Variants in IQCH observed in about 807,000 individuals in gnomAD.
IQCH encodes the protein IQ motif containing H.
In IQCH, 98 loss-of-function variants were observed where a neutral mutation model predicts 117.0. The ratio of observed to expected loss-of-function variants is 0.84; its 90% CI spans 0.71 to 0.99. The LOEUF is 0.99. Ranked by LOEUF, IQCH falls within the 50% of genes least tolerant of loss-of-function variation. IQCH has a pLI of 0.00. For synonymous variants in IQCH, 412 were observed against 448.2 expected (o/e 0.92, Z 1.02); for missense variants, 1,102 against 1,243.8 (o/e 0.89, Z 1.72).
At position 67,263,129 on chromosome 15, in the gene IQCH, T is replaced by C. The variant is rs757112731; in HGVS notation, c.182T>C (p.Ile61Thr). 2 of 1,486,370 alleles carry C rather than the reference T, an allele frequency of 1.3e-6. No homozygotes were observed. Among genetic ancestry groups the C allele is most frequent in the Non-Finnish European group, 1.9e-6 (2 of 1,064,904 alleles). The allele number at this position is 1,486,370 out of a possible 1,614,324, so 92.1% of individuals were successfully genotyped here. Residue 61 changes from isoleucine (I) to threonine (T), a missense_variant, in exon 3 of 21, where the codon ATT becomes ACT. By Grantham distance (89) the Ile-to-Thr change is moderately conservative (BLOSUM62 -1). Around this residue, in one of 2 missense-constraint regions of IQCH, gnomAD observed 452 missense variants for 449.6 expected, o/e 1.01. Coordinates refer to ENST00000335894, the MANE Select transcript of IQCH (RefSeq NM_001031715.3). ...KRTEVGLRIHIEKYLNVVNQN... is the reference protein window; with the variant it reads ...KRTEVGLRIHTEKYLNVVNQN... ...TTGACATTTCTGTAACAGATTCACATTGAGAAGTATTTAAATGTTGTAAAC... is the reference window on the plus strand; with the variant it reads ...TTGACATTTCTGTAACAGATTCACACTGAGAAGTATTTAAATGTTGTAAAC...
In IQCH at chr15:67,277,696, G is replaced by A. The variant is rs146753916; in HGVS notation, c.270-1699G>A. Among the ~76,000 whole-genome samples, 1,323 of 152,110 alleles carry A rather than the reference G, an allele frequency of 8.7e-3. 17 individuals carry two copies. The highest frequency in any genetic ancestry group is 0.029 in the African/African-American group (1,197 of 41,482). On this transcript the variant is annotated intron_variant, in intron 3 of 20. Coordinates refer to ENST00000335894, the MANE Select transcript of IQCH (RefSeq NM_001031715.3). ...CAACAGGCACATGCCACCACGCCTG[G>A]CTAATTTTTTGTATTTTTAGTACAG... is the stretch of plus-strand genomic sequence containing the variant.
intron 16 of IQCH, among the ~76,000 whole-genome samples, chr15:67,460,162 C>T (rs2082755797): frequency 6.6e-6 from 1 of 152,108 alleles, no homozygotes; most frequent in Admixed American, 6.5e-5. Flanking sequence ...TTTTTACATC[C>T]TCAGTCCTCA....
intron 4 of IQCH, among the ~76,000 whole-genome samples, chr15:67,293,260 T>C (rs183824115): frequency 6.6e-6 from 1 of 152,318 alleles, no homozygotes; most frequent in East Asian, 1.9e-4. Flanking sequence ...TCTGCTCTCA[T>C]GGAGCTTACA....
intron 4 of IQCH, among the ~76,000 whole-genome samples, chr15:67,291,475 A>C (rs925903782): frequency 1.3e-5 from 2 of 152,206 alleles, no homozygotes; most frequent in African/African-American, 4.8e-5. Flanking sequence ...TTAACAATCA[A>C]ACATAAAAAA....
At chr15:67,421,033 A>G (rs959661088) in intron 15 of IQCH, among the ~76,000 whole-genome samples, 1 of 152,238 alleles carries the variant, frequency 6.6e-6, no homozygotes, top group Non-Finnish European at 1.5e-5. Flanking sequence ...TATAATCAGA[A>G]TCAAAATTAC....
At chr15:67,310,980 C>T (rs1019203281) in intron 4 of IQCH, among the ~76,000 whole-genome samples, 3 of 152,030 alleles carry the variant, frequency 2.0e-5, no homozygotes, top group Non-Finnish European at 4.4e-5. Flanking sequence ...ATTGTAGTAG[C>T]ATTTATTAAG....
chr15:67,358,144 C>G (rs1969974946), intron 7 of IQCH, among the ~76,000 whole-genome samples: 1 of 135,574 alleles, frequency 7.4e-6, no homozygotes, highest in East Asian at 2.2e-4. Context: ...TAGGCATGAG[C>G]CACCACGCCT....
chr15:67,422,967 C>T lies in IQCH; in HGVS notation c.2505+1390C>T, dbSNP rs2081787773. On this transcript the variant is annotated intron_variant, in intron 16 of 20. Transcript: ENST00000335894. This position sits in a 1 kb window ranked among gnomAD's most constrained non-coding sequence, Gnocchi z 4.7. ...ACATATACTTTGGTTGTTTTAGGAT[C>T]ATTATTCTCAGTTTTACAGTTCTCC... is the stretch of plus-strand genomic sequence containing the variant. Among the ~76,000 whole-genome samples the T allele has an allele frequency of 6.6e-6, 1 of 152,192 alleles. No individual in the cohort carries two copies. Among genetic ancestry groups the T allele is most frequent in the Non-Finnish European group, 1.5e-5 (1 of 68,030 alleles).
intron 16 of IQCH, among the ~76,000 whole-genome samples, chr15:67,446,597 AG>A (rs990830733): frequency 5.9e-5 from 9 of 152,158 alleles, no homozygotes; most frequent in African/African-American, 2.2e-4. Flanking sequence ...GAGCCTGGAC[AG>A]GTCAGCCGGG....
rs984638708 is a variant in IQCH, at chr15:67,490,228, C to T, written c.2861+164C>T. 4.6e-5 allele frequency among the ~76,000 whole-genome samples: 7 copies of T among 151,970 alleles called. No homozygotes were observed. Among genetic ancestry groups the T allele is most frequent in the African/African-American group, 7.2e-5 (3 of 41,388 alleles). ...TTTATTTTATTCTATTTTTTTGAGACGGAGCCTCACTCTGTCACCCAGGCT... is the reference window on the plus strand; with the variant it reads ...TTTATTTTATTCTATTTTTTTGAGATGGAGCCTCACTCTGTCACCCAGGCT... On this transcript the variant is annotated intron_variant, in intron 19 of 20. Coordinates refer to ENST00000335894, the MANE Select transcript of IQCH (RefSeq NM_001031715.3). The surrounding 1 kb of genome is among the most constrained non-coding windows in gnomAD (Gnocchi z 4.9).
intron 3 of IQCH, among the ~76,000 whole-genome samples, chr15:67,276,673 T>C (rs1174608367): frequency 2.0e-5 from 3 of 152,120 alleles, no homozygotes; most frequent in Admixed American, 2.0e-4. Context: ...GCATAGTTTC[T>C]GAAAAAAAAA....
chr15:67,486,801 T>A (rs2083494387), intron 18 of IQCH, among the ~76,000 whole-genome samples: 1 of 152,268 alleles, frequency 6.6e-6, no homozygotes, highest in Admixed American at 6.5e-5. Flanking sequence ...GAAAATATTG[T>A]CATTTCAGCA....
intron 16 of IQCH, among the ~76,000 whole-genome samples, chr15:67,462,648 C>T (rs2082827758): frequency 6.6e-6 from 1 of 152,076 alleles, no homozygotes; most frequent in African/African-American, 2.4e-5. Context: ...GGTTCTCACT[C>T]TTTCCCCTAC....
intron 2 of IQCH, among the ~76,000 whole-genome samples, chr15:67,262,153 A>G (rs1195273297): frequency 1.3e-5 from 2 of 152,210 alleles, no homozygotes; most frequent in Non-Finnish European, 2.9e-5. Flanking sequence ...ATTTTGAGCT[A>G]TTCGTTTTTG....
At chr15:67,301,512 C>A (rs770523804) in intron 4 of IQCH, among the ~76,000 whole-genome samples, 2 of 140,276 alleles carry the variant, frequency 1.4e-5, no homozygotes, top group Non-Finnish European at 3.0e-5. Flanking sequence ...TGGGTTCAAG[C>A]AATTCTCATG....
At chr15:67,327,577 A>C (rs1489055901) in intron 4 of IQCH, among the ~76,000 whole-genome samples, 1 of 152,158 alleles carries the variant, frequency 6.6e-6, no homozygotes, top group African/African-American at 2.4e-5. Flanking sequence ...AAGAACTTTT[A>C]TTGTTATGAA....
chr15:67,351,421 A>T (rs933628274), intron 6 of IQCH, among the ~76,000 whole-genome samples: 1 of 152,124 alleles, frequency 6.6e-6, no homozygotes, highest in Non-Finnish European at 1.5e-5. Context: ...TCTTCTGTTG[A>T]TGGACTTTTG....
chr15:67,276,174 C>G (rs573751452), intron 3 of IQCH, among the ~76,000 whole-genome samples: 2 of 152,268 alleles, frequency 1.3e-5, no homozygotes, highest in South Asian at 4.1e-4. Flanking sequence ...AATTATATCT[C>G]AATTCAATTA....
intron 16 of IQCH, among the ~76,000 whole-genome samples, chr15:67,442,496 C>T (rs921019621): frequency 6.6e-6 from 1 of 151,770 alleles, no homozygotes; most frequent in Non-Finnish European, 1.5e-5. Context: ...CTTACTCCTG[C>T]AAGAATGGCC....
Sources: gnomAD v4.1 joint callset for allele counts (sites outside exome capture counted in the v4.1 genomes callset) on GRCh38, gnomAD v4.1.1 for gene constraint, gnomAD v4.1.1 regional missense constraint, Gnocchi (gnomAD v3.1) non-coding constraint, MANE v1.5 for transcripts, NCBI Gene and HGNC (gene_info 2026-07-23, HGNC 2026-07-21) for gene names.